ATP13A3: variants seen among roughly 807,000 people sequenced by gnomAD.
ATP13A3 encodes ATPase 13A3.
In ATP13A3, 59 loss-of-function variants were observed where a neutral mutation model predicts 158.1. That is an observed-to-expected ratio of 0.37 (90% CI 0.30 to 0.46). The LOEUF is 0.46. Ranked by LOEUF, ATP13A3 falls within the 20% of genes least tolerant of loss-of-function variation. ATP13A3 has a pLI of 1.00. For missense variants in ATP13A3, 1,166 were observed against 1,525.2 expected, an observed-to-expected ratio of 0.76 and a Z score of 3.92; for synonymous variants, 491 against 504.3, an observed-to-expected ratio of 0.97 and a Z score of 0.35.
intron 29 of ATP13A3, among the ~76,000 whole-genome samples, chr3:194,426,743 C>T (rs1716803571): frequency 6.6e-6 from 1 of 152,212 alleles, no homozygotes; most frequent in Non-Finnish European, 1.5e-5. Context: ...TCACTGCAAC[C>T]TCTGCCTCCC....
chr3:194,464,155 C>T (rs1719848426), intron 2 of ATP13A3, among the ~76,000 whole-genome samples: 1 of 152,082 alleles, frequency 6.6e-6, no homozygotes, highest in Non-Finnish European at 1.5e-5. Flanking sequence ...AGAAAGACTC[C>T]ATCTCAAAAA....
intron 2 of ATP13A3, among the ~76,000 whole-genome samples, chr3:194,466,222 C>T (rs966843548): frequency 6.6e-6 from 1 of 151,604 alleles, no homozygotes; most frequent in Non-Finnish European, 1.5e-5. Flanking sequence ...CCAGAGTAAC[C>T]GCTATAGGGA....
chr3:194,421,938 C>T (rs569735956), intron 30 of ATP13A3, among the ~76,000 whole-genome samples: 5 of 73,076 alleles, frequency 6.8e-5, no homozygotes, highest in Non-Finnish European at 1.1e-4. Flanking sequence ...ACATGTGTGT[C>T]GTTGGCAAAA....
chr3:194,428,001 A>G (rs948705563), intron 28 of ATP13A3, among the ~76,000 whole-genome samples: 14 of 152,068 alleles, frequency 9.2e-5, no homozygotes, highest in Non-Finnish European at 1.6e-4. Flanking sequence ...CGGGCGGACC[A>G]CTTGAGGTCA....
intron 32 of ATP13A3, 180 bp from the exon 33 acceptor site, chr3:194,412,468 T>A: frequency 1.8e-6 from 1 of 552,954 alleles, no homozygotes; most frequent in South Asian, 2.4e-5. Flanking sequence ...TTGTAACAAA[T>A]ACAAATCATC....
intron 2 of ATP13A3, among the ~76,000 whole-genome samples, chr3:194,484,679 T>C (rs1306485415): frequency 6.6e-6 from 1 of 152,136 alleles, no homozygotes; most frequent in Non-Finnish European, 1.5e-5. Context: ...AAGACAGAAA[T>C]AGGATTTCAA....
chr3:194,436,170 A>G (rs771051224), intron 20 of ATP13A3, among the ~76,000 whole-genome samples: 1 of 152,112 alleles, frequency 6.6e-6, no homozygotes, highest in Non-Finnish European at 1.5e-5. Flanking sequence ...ACCTCCCCCA[A>G]ATAGGCAGAA....
intron 2 of ATP13A3, among the ~76,000 whole-genome samples, chr3:194,471,305 G>A (rs191700264): frequency 1.4e-3 from 186 of 133,140 alleles, no homozygotes; most frequent in Non-Finnish European, 1.6e-3. Flanking sequence ...ATAATACAGC[G>A]TTAAGTAGCA....
chr3:194,414,388 G>A (rs543997415), intron 31 of ATP13A3, among the ~76,000 whole-genome samples: 1 of 151,742 alleles, frequency 6.6e-6, no homozygotes. Flanking sequence ...ACTTGAGCCT[G>A]GGAAGTGGAG....
rs201347235 is a variant in ATP13A3, at chr3:194,453,772, C to T, written c.772G>A (p.Val258Ile). The change falls in exon 10 of 34, where the codon GTT becomes ATT. Residue 258 changes from valine to isoleucine, a missense_variant. Transcript: ENST00000645319. ...SSLYSIRKQY[V>I]MLHDMVATHS... ...GTTGCCACCATGTCATGCAACATAA[C>T]ATATTGCTGAAAGAGGAAAAAGAAG... 6.2e-7 allele frequency: 1 copy of T among 1,612,918 alleles called. No homozygotes were observed. The highest frequency in any genetic ancestry group is 8.5e-7 in the Non-Finnish European group (1 of 1,179,148).
At chr3:194,454,007 C>T (rs191984546) in intron 9 of ATP13A3, among the ~76,000 whole-genome samples, 2 of 152,284 alleles carry the variant, frequency 1.3e-5, no homozygotes, top group Admixed American at 1.3e-4. Flanking sequence ...AGTCTGTGAT[C>T]AGCAACTACA....
chr3:194,441,350 A>T lies in ATP13A3; in HGVS notation c.1671T>A (p.Gly557=). 1 of 1,613,392 alleles carries T rather than the reference A, an allele frequency of 6.2e-7. No individual in the cohort carries two copies. The highest frequency in any genetic ancestry group is 8.5e-7 in the Non-Finnish European group (1 of 1,179,556). ...CAAACATTTTCAGATCAAGTGGATC[A>T]CCAGAGAGCACTCCTTCAATTTTTG... ...SLTKIEGVLS[G]DPLDLKMFEA... The change falls in exon 16 of 34, where the codon GGT becomes GGA. Residue 557 remains glycine (G), a synonymous_variant. Transcript: ENST00000645319.
chr3:194,408,905 G>A (rs1237273542), intron 33 of ATP13A3, among the ~76,000 whole-genome samples: 1 of 152,226 alleles, frequency 6.6e-6, no homozygotes, highest in Non-Finnish European at 1.5e-5. Context: ...AGATGATGAT[G>A]ATGAAGGGAG....
chr3:194,415,779 C>T (rs761015203), intron 31 of ATP13A3, among the ~76,000 whole-genome samples: 6 of 149,818 alleles, frequency 4.0e-5, no homozygotes, highest in Non-Finnish European at 8.8e-5. Flanking sequence ...ACACCATTCT[C>T]CTTACAATAC....
intron 30 of ATP13A3, among the ~76,000 whole-genome samples, chr3:194,421,322 G>C (rs1185430973): frequency 6.8e-6 from 1 of 146,920 alleles, no homozygotes; most frequent in Admixed American, 6.9e-5. Context: ...GGGAGGCCGA[G>C]GCGGGCGGAT....
At chr3:194,430,588 C>T (rs1019745725) in intron 24 of ATP13A3, among the ~76,000 whole-genome samples, 2 of 152,118 alleles carry the variant, frequency 1.3e-5, no homozygotes, top group African/African-American at 2.4e-5. Context: ...TAGAGCAAAG[C>T]GCTTGTGCCT....
chr3:194,459,870 G>A lies in ATP13A3; in HGVS notation c.327C>T (p.Gly109=). 1 of 1,613,322 alleles carries A rather than the reference G, an allele frequency of 6.2e-7. No homozygotes were observed. Among genetic ancestry groups the A allele is most frequent in the Non-Finnish European group, 8.5e-7 (1 of 1,179,548 alleles). ...GATTCTCAATTAAACAAACTGCATG[G>A]CCATTTGAAAGCTTATTAGACATAG... ...PKSMSNKLSN[G]HAVCLIENPT... Residue 109 remains glycine (G), a synonymous_variant, in exon 5 of 34, where the codon GGC becomes GGT. Transcript: ENST00000645319.
At chr3:194,423,457 T>C (rs1373255980) in intron 30 of ATP13A3, among the ~76,000 whole-genome samples, 1 of 152,056 alleles carries the variant, frequency 6.6e-6, no homozygotes. Context: ...AACAGACAGG[T>C]CCTAGAAAGG....
Position 194,448,117 on chromosome 3 carries a change from AC to A in ATP13A3, c.1151-109del. 1 of 1,109,786 alleles carries A rather than the reference AC, an allele frequency of 9.0e-7. No individual in the cohort carries two copies. The highest frequency in any genetic ancestry group is 1.3e-6 in the Non-Finnish European group (1 of 761,122). The allele number at this position is 1,109,786 out of a possible 1,614,324, so 68.7% of individuals were successfully genotyped here. A position where few individuals can be genotyped will look rare whatever the true frequency, so the allele number is the denominator to read the frequency against. Reference sequence around the variant, plus strand: ...TTTTGAGACAGAGTCTCGCTCTGTCACCCAGGCTGGAGTACAGTGGTGTGAT... The same window carrying A: ...TTTTGAGACAGAGTCTCGCTCTGTCACCAGGCTGGAGTACAGTGGTGTGAT... On this transcript the variant is annotated intron_variant, in intron 12 of 33. Coordinates refer to ENST00000645319, the MANE Select transcript of ATP13A3 (RefSeq NM_001367549.1). This position sits in a 1 kb window ranked among gnomAD's most constrained non-coding sequence, Gnocchi z 4.0.
Sources: allele counts gnomAD v4.1 joint callset (sites outside exome capture counted in the v4.1 genomes callset), GRCh38; gene constraint gnomAD v4.1.1; non-coding constraint Gnocchi (gnomAD v3.1); transcripts MANE v1.5; gene names NCBI Gene and HGNC (gene_info 2026-07-23, HGNC 2026-07-21).